Variants in MFSD8 observed in about 807,000 individuals in gnomAD.
The protein encoded by MFSD8 is major facilitator superfamily domain containing 8.
A neutral mutation model predicts 66.4 loss-of-function variants in MFSD8; 55 were observed. The ratio of observed to expected loss-of-function variants is 0.83; its 90% confidence interval spans 0.67 to 1.04. MFSD8 has a LOEUF of 1.04. MFSD8 is among the 50% of genes least tolerant of loss of function. The probability of loss-of-function intolerance (pLI) is 0.00; values close to 1 mark genes in which losing one functional copy is unlikely to be tolerated. For synonymous variants in MFSD8, 202 were observed against 212.8 expected (o/e 0.95, Z 0.44); for missense variants, 550 against 627.6 (o/e 0.88, Z 1.32).
At chr4:127,960,972 T>C (rs1237125527) in intron 1 of MFSD8, among the ~76,000 whole-genome samples, 2 of 152,200 alleles carry the variant, frequency 1.3e-5, no homozygotes, top group African/African-American at 4.8e-5. Flanking sequence ...ATTTTTCCCC[T>C]TGCCCTAAAC....
intron 1 of MFSD8, among the ~76,000 whole-genome samples, chr4:127,959,386 GTTTT>G (rs932725920): frequency 6.6e-6 from 1 of 151,888 alleles, no homozygotes; most frequent in South Asian, 2.1e-4. Context: ...ATGGCTCCTG[GTTTT>G]TTTTATTTTT....
At chr4:127,939,459 A>T (rs1001121883) in intron 6 of MFSD8, 1 of 167,200 alleles carries the variant, frequency 6.0e-6, no homozygotes, top group Non-Finnish European at 1.3e-5. Context: ...AACAAAAATT[A>T]GCTGGATGTG....
intron 4 of MFSD8, chr4:127,943,499 C>A (rs1164340134): frequency 2.3e-6 from 1 of 433,976 alleles, no homozygotes; most frequent in Non-Finnish European, 4.2e-6. Context: ...GTATTATAGG[C>A]ACGTGCCACC....
At chr4:127,942,872 ACT>A (rs1198779895) in intron 4 of MFSD8, among the ~76,000 whole-genome samples, 1 of 152,028 alleles carries the variant, frequency 6.6e-6, no homozygotes, top group Non-Finnish European at 1.5e-5. Context: ...CATTCAAGAG[ACT>A]CTGTTAGGGG....
chr4:127,923,560 TATTA>T (rs1736696746), intron 9 of MFSD8, among the ~76,000 whole-genome samples: 1 of 140,228 alleles, frequency 7.1e-6, no homozygotes, highest in African/African-American at 2.7e-5. Context: ...TATTTATTAT[TATTA>T]TTATTATTAT....
chr4:127,953,763 G>A (rs927808211), intron 2 of MFSD8, among the ~76,000 whole-genome samples: 9 of 151,942 alleles, frequency 5.9e-5, no homozygotes, highest in African/African-American at 1.7e-4. Flanking sequence ...GATTACAGGC[G>A]TGAGCCACCT....
chr4:127,939,893 G>A lies in MFSD8; in HGVS notation c.658C>T (p.Leu220=), dbSNP rs142063476. 1 of 1,613,370 alleles carries A rather than the reference G, an allele frequency of 6.2e-7. No individual in the cohort carries two copies. Among genetic ancestry groups the A allele is most frequent in the Non-Finnish European group, 8.5e-7 (1 of 1,179,606 alleles). Residue 220 remains leucine (L), a synonymous_variant, in exon 6 of 12, where the codon CTG becomes TTG. Coordinates refer to ENST00000641686, the MANE Select transcript of MFSD8 (RefSeq NM_001371596.2). ...ATCAGAATAATATTTAAAATTCCCA[G>A]GAAGGCGCTAAGTAAAACTGGTGTT... The part of the protein sequence containing the change: ...YTTPVLLSAF[L]GILNIILILA...
At chr4:127,929,521 G>T (rs2148869642) in intron 9 of MFSD8, among the ~76,000 whole-genome samples, 1 of 151,252 alleles carries the variant, frequency 6.6e-6, no homozygotes, top group East Asian at 1.9e-4. Flanking sequence ...CCAGGAGTCT[G>T]AGGCTGCCAT....
At position 127,921,789 on chromosome 4, in the gene MFSD8, T is replaced by A. The variant is rs748197230; in HGVS notation, c.1103-18A>T. ...GTGCAAATCTGTAAAAACAAAACCA[T>A]TGCAGTGCATTACTTGTTGATTTTA... On this transcript the variant is annotated intron_variant, in intron 10 of 11. Transcript: ENST00000641686. The A allele has an allele frequency of 6.2e-7, 1 of 1,614,076 alleles. No homozygotes were observed. The highest frequency in any genetic ancestry group is 1.7e-5 in the Admixed American group (1 of 60,014).
intron 2 of MFSD8, among the ~76,000 whole-genome samples, chr4:127,955,518 C>T (rs534973884): frequency 3.7e-5 from 5 of 135,020 alleles, no homozygotes; most frequent in South Asian, 4.6e-4. Flanking sequence ...CCAGCTTGGA[C>T]GACAGAGCGA....
At chr4:127,952,443 C>A (rs1009865057) in intron 2 of MFSD8, among the ~76,000 whole-genome samples, 1 of 151,992 alleles carries the variant, frequency 6.6e-6, no homozygotes, top group East Asian at 1.9e-4. Context: ...ATATTAGCTT[C>A]ATTTTAAAGT....
chr4:127,962,877 T>G (rs1744031850), intron 1 of MFSD8, among the ~76,000 whole-genome samples: 1 of 152,176 alleles, frequency 6.6e-6, no homozygotes, highest in African/African-American at 2.4e-5. Context: ...AGAAATACAT[T>G]TGCCAAAGGG....
At chr4:127,930,629 GT>G in intron 9 of MFSD8, 53 bp downstream of exon 9, 5 of 1,597,638 alleles carry the variant, frequency 3.1e-6, no homozygotes, top group Middle Eastern at 1.8e-4. Context: ...TGTTAGCTCT[GT>G]TTTTTGTTTT....
rs372107576 is a variant in MFSD8 at position 127,940,006 on chromosome 4, G to C, written c.554-9C>G. On this transcript the variant is annotated splice_polypyrimidine_tract_variant and intron_variant, in intron 5 of 11. Transcript: ENST00000641686. ...AAAACAAGTCTGAAAAACTTATTAA[G>C]ATAAAATTTTCACAGATGAATTATT... The C allele has an allele frequency of 3.7e-6, 6 of 1,609,540 alleles. No individual in the cohort carries two copies. Among genetic ancestry groups the C allele is most frequent in the Middle Eastern group, 1.7e-4 (1 of 5,956 alleles).
intron 9 of MFSD8, among the ~76,000 whole-genome samples, chr4:127,929,832 G>A (rs894860947): frequency 6.6e-6 from 1 of 152,050 alleles, no homozygotes; most frequent in Non-Finnish European, 1.5e-5. Flanking sequence ...ATAAAGAAAA[G>A]GTAAATATTT....
intron 4 of MFSD8, among the ~76,000 whole-genome samples, chr4:127,942,862 C>T (rs1424438333): frequency 1.3e-5 from 2 of 152,126 alleles, no homozygotes; most frequent in Non-Finnish European, 2.9e-5. Flanking sequence ...GAGTACATTA[C>T]ATTCAAGAGA....
At chr4:127,935,745 G>A (rs1738961133) in intron 7 of MFSD8, among the ~76,000 whole-genome samples, 1 of 152,140 alleles carries the variant, frequency 6.6e-6, no homozygotes, top group South Asian at 2.1e-4. Flanking sequence ...TGCTAATACA[G>A]TGGCCACTAG....
intron 7 of MFSD8, among the ~76,000 whole-genome samples, chr4:127,937,837 T>C (rs181241134): frequency 3.9e-4 from 60 of 152,276 alleles, no homozygotes; most frequent in Non-Finnish European, 1.2e-4. Flanking sequence ...GAAAATTAAA[T>C]AAAAGAGCTA....
At chr4:127,940,516 GTATA>G (rs67791219) in intron 5 of MFSD8, among the ~76,000 whole-genome samples, 126 of 138,210 alleles carry the variant, frequency 9.1e-4, no homozygotes, top group South Asian at 3.3e-3. Context: ...TCTGTATATG[GTATA>G]TATATATATA....
Sources: gnomAD v4.1 joint callset for allele counts (sites outside exome capture counted in the v4.1 genomes callset) on GRCh38, gnomAD v4.1.1 for gene constraint, MANE v1.5 for transcripts, NCBI Gene and HGNC (gene_info 2026-07-23, HGNC 2026-07-21) for gene names.